PEX5: variants seen among roughly 807,000 people sequenced by gnomAD.
PEX5 encodes the protein peroxisomal biogenesis factor 5.
PEX5 carries 52 observed loss-of-function variants against 82.9 expected under a neutral mutation model. The observed-to-expected ratio is 0.63, with a 90% CI of 0.50 to 0.79. The LOEUF is 0.79. PEX5 is among the 30% of genes least tolerant of loss of function. The probability of loss-of-function intolerance (pLI) is 0.00; values close to 1 mark genes in which losing one functional copy is unlikely to be tolerated. For synonymous variants in PEX5, 300 were observed against 318.8 expected, an observed-to-expected ratio of 0.94 and a Z score of 0.63; for missense variants, 719 against 815.2, an observed-to-expected ratio of 0.88 and a Z score of 1.44.
chr12:7,207,780 A>T lies in PEX5; in HGVS notation c.1088A>T (p.Gln363Leu). ...NAVLLFEAAV[Q>L]QDPKHMEAWQ... ...GTGCTGCTTTTTGAGGCAGCTGTGC[A>T]GCAGGATCCTAAGCACATGGAAGTG... Residue 363 changes from glutamine (Q) to leucine (L), a missense_variant, in exon 11 of 16, where the codon CAG becomes CTG. Gln to Leu is a moderately radical substitution (Grantham distance 113, BLOSUM62 -2). Coordinates refer to ENST00000675855, the MANE Select transcript of PEX5 (RefSeq NM_001351132.2). 1 of 1,614,160 alleles carries T rather than the reference A, an allele frequency of 6.2e-7. No individual in the cohort carries two copies. The highest frequency in any genetic ancestry group is 8.5e-7 in the Non-Finnish European group (1 of 1,180,014).
Position 7,208,682 on chromosome 12 carries a change from G to C in PEX5, c.1394+13G>C. The C allele has an allele frequency of 6.2e-7, 1 of 1,601,468 alleles. No individual in the cohort carries two copies. The highest frequency in any genetic ancestry group is 8.6e-7 in the Non-Finnish European group (1 of 1,168,944). On this transcript the variant is annotated intron_variant, in intron 13 of 15. Coordinates refer to ENST00000675855, the MANE Select transcript of PEX5 (RefSeq NM_001351132.2). ...CTCTCTTGTCTGAGTGAGTATGAGG[G>C]GTTCCTAGGATGAGGAATTACAGTA...
Position 7,210,173 on chromosome 12 carries a change from G to A in PEX5, c.1870G>A (p.Asp624Asn), listed in dbSNP as rs201963167. ...LGQSDAYGAA[D>N]ARDLSTLLTM... Reference sequence around the variant, plus strand: ...CCAGAGCGATGCCTATGGGGCAGCCGACGCGCGGGATCTGTCCACCCTCCT... The same window carrying A: ...CCAGAGCGATGCCTATGGGGCAGCCAACGCGCGGGATCTGTCCACCCTCCT... The change falls in exon 16 of 16, where the codon GAC becomes AAC. Residue 624 changes from aspartate to asparagine, a missense_variant. By Grantham distance (23) the Asp-to-Asn change is conservative. Coordinates refer to ENST00000675855, the MANE Select transcript of PEX5 (RefSeq NM_001351132.2). 26 of 1,614,222 alleles carry A rather than the reference G, an allele frequency of 1.6e-5. No individual in the cohort carries two copies. The highest frequency in any genetic ancestry group is 1.3e-4 in the East Asian group (6 of 44,886).
chr12:7,201,905 T>TAA (rs1944111056), intron 7 of PEX5, 64 bp downstream of exon 7: 1 of 1,168,668 alleles, frequency 8.6e-7, no homozygotes, highest in African/African-American at 1.5e-5. Context: ...GAATCTTGCT[T>TAA]TTCTTACCCC....
At chr12:7,189,862 G>C in intron 1 of PEX5, 112 bp downstream of exon 1, 1 of 1,316,658 alleles carries the variant, frequency 7.6e-7, no homozygotes, top group Non-Finnish European at 9.8e-7. Context: ...GGGCCGGGGA[G>C]ATGGGCGGTG....
intron 11 of PEX5, 92 bp from the exon 12 acceptor site, chr12:7,207,918 C>T: frequency 1.3e-6 from 2 of 1,512,390 alleles, no homozygotes; most frequent in Non-Finnish European, 1.8e-6. Context: ...AGGATAGGGG[C>T]TTGAGAGCGA....
intron 6 of PEX5, among the ~76,000 whole-genome samples, chr12:7,199,495 A>G (rs767704279): frequency 5.6e-4 from 84 of 151,220 alleles, no homozygotes; most frequent in African/African-American, 1.9e-3. Flanking sequence ...AACACAGCAC[A>G]TGTTTCAGAG....
At chr12:7,213,747 GCTT>G (rs1259231129), downstream of PEX5, among the ~76,000 whole-genome samples, 3 of 150,350 alleles carry the variant, frequency 2.0e-5, no homozygotes, top group Non-Finnish European at 4.5e-5. Context: ...AAACTAAAGA[GCTT>G]CTGCACAGCA....
intron 17 of PEX5, among the ~76,000 whole-genome samples, chr12:7,217,056 C>A (rs1054591565): frequency 6.6e-6 from 1 of 152,016 alleles, no homozygotes; most frequent in African/African-American, 2.4e-5. Flanking sequence ...TTTGAAAAAA[C>A]CTTTCCCAAG....
chr12:7,193,056 T>G (rs1162591639), intron 5 of PEX5, among the ~76,000 whole-genome samples: 1 of 152,248 alleles, frequency 6.6e-6, no homozygotes, highest in African/African-American at 2.4e-5. Context: ...TTAAGAGTGC[T>G]AATCACTTTA....
intron 5 of PEX5, among the ~76,000 whole-genome samples, chr12:7,195,851 C>G (rs756995880): frequency 6.5e-4 from 98 of 150,942 alleles, no homozygotes; most frequent in African/African-American, 2.2e-3. Flanking sequence ...TATTAAGCAT[C>G]TCCTTTCCGT....
chr12:7,193,008 A>G (rs1469882071), intron 5 of PEX5, among the ~76,000 whole-genome samples: 1 of 152,188 alleles, frequency 6.6e-6, no homozygotes, highest in African/African-American at 2.4e-5. Flanking sequence ...TCCCACCCAT[A>G]AGTTGGAGTT....
chr12:7,204,121 A>G (rs1185992217), intron 10 of PEX5, among the ~76,000 whole-genome samples: 7 of 152,214 alleles, frequency 4.6e-5, no homozygotes, highest in Non-Finnish European at 1.0e-4. Flanking sequence ...GTTGACTTAG[A>G]AGCATATGTT....
intron 9 of PEX5, 106 bp from the exon 10 acceptor site, chr12:7,203,326 A>AT: frequency 7.8e-7 from 1 of 1,279,602 alleles, no homozygotes. Flanking sequence ...TCTTAAACAT[A>AT]TTGAAATTCA....
chr12:7,191,197 G>C, intron 3 of PEX5, 29 bp from the exon 4 acceptor site: 1 of 1,614,076 alleles, frequency 6.2e-7, no homozygotes, highest in East Asian at 2.2e-5. Context: ...CAAGCCTATG[G>C]GTTCATTTCA....
At chr12:7,200,712 A>G (rs1199571353) in intron 6 of PEX5, among the ~76,000 whole-genome samples, 1 of 151,980 alleles carries the variant, frequency 6.6e-6, no homozygotes, top group Non-Finnish European at 1.5e-5. Context: ...ACACAGCGAA[A>G]CCCCGTCTCC....
chr12:7,189,649 C>T (rs1940498704), upstream of PEX5: 1 of 340,816 alleles, frequency 2.9e-6, no homozygotes, highest in South Asian at 1.4e-4. Context: ...GTCACGGCCC[C>T]TTTAAGCCTG....
In PEX5 at chr12:7,193,234, C is replaced by CTTTTTTTTT. The variant is rs11339507; in HGVS notation, c.448+1545_448+1553dup. ...TCATGTCTGTGTGGCTCTTGAGATTCTTTTTTTTTTTTTTTTTTTGAGACA... is the reference window on the plus strand; with the variant it reads ...TCATGTCTGTGTGGCTCTTGAGATTCTTTTTTTTTTTTTTTTTTTTTTTTTTTTGAGACA... On this transcript the variant is annotated intron_variant, in intron 5 of 15. Transcript: ENST00000675855. Among the ~76,000 whole-genome samples, 139 of 121,094 alleles carry CTTTTTTTTT rather than the reference C, an allele frequency of 1.1e-3. 1 individual carries two copies. The highest frequency in any genetic ancestry group is 4.0e-3 in the African/African-American group (137 of 33,982). 79.4% of individuals were successfully genotyped at this position (121,094 alleles called of 152,430 possible). A position where few individuals can be genotyped will look rare whatever the true frequency, so the allele number is the denominator to read the frequency against.
At chr12:7,189,847 C>A in intron 1 of PEX5, 97 bp downstream of exon 1, 1 of 1,222,768 alleles carries the variant, frequency 8.2e-7, no homozygotes. Flanking sequence ...GCTGGAGCGG[C>A]AGCAGGGCCG....
intron 8 of PEX5, 77 bp downstream of exon 8, chr12:7,202,428 C>T (rs1291887186): frequency 6.4e-7 from 1 of 1,562,784 alleles, no homozygotes; most frequent in Non-Finnish European, 8.8e-7. Flanking sequence ...GTCAGTGGTC[C>T]CAGATGGGGA....
Sources: allele counts gnomAD v4.1 joint callset (sites outside exome capture counted in the v4.1 genomes callset), GRCh38; gene constraint gnomAD v4.1.1; transcripts MANE v1.5; gene names NCBI Gene and HGNC (gene_info 2026-07-23, HGNC 2026-07-21).